Variants in EIF4A3 observed in about 807,000 individuals in gnomAD.
EIF4A3 encodes eukaryotic initiation factor 4A-III.
In EIF4A3, 1 loss-of-function variant was observed where a neutral mutation model predicts 55.6. That is an observed-to-expected ratio of 0.02 (90% CI 0.01 to 0.09). EIF4A3 has a LOEUF of 0.09. Among genes scored for constraint, EIF4A3 ranks in the 10% least tolerant of loss-of-function variants. The pLI is 1.00. For synonymous variants in EIF4A3, 194 were observed against 196.3 expected (o/e 0.99, Z 0.10); for missense variants, 221 against 540.7 (o/e 0.41, Z 5.86).
Position 80,137,259 on chromosome 17 carries a change from C to T in EIF4A3, c.983+127G>A, listed in dbSNP as rs371525009. ...GGAAGGTTTTCTGCTCACCCAGGGC[C>T]TCAGCTTTCAGAGCAGAAGCTTGGC... On this transcript the variant is annotated intron_variant, in intron 9 of 11. Transcript: ENST00000649764. 2.7e-4 allele frequency: 204 copies of T among 763,564 alleles called. 2 individuals carry two copies. The Middle Eastern group carries it at 3.6e-3, about 13-fold the overall frequency. The allele number at this position is 763,564 out of a possible 1,614,324, so 47.3% of individuals were successfully genotyped here.
chr17:80,142,058 C>T (rs1313965546), intron 2 of EIF4A3, among the ~76,000 whole-genome samples: 3 of 152,172 alleles, frequency 2.0e-5, no homozygotes, highest in Non-Finnish European at 4.4e-5. Flanking sequence ...ATGGCTTCTG[C>T]ACGGGGGCAA....
At chr17:80,139,340 C>T (rs974507686) in intron 6 of EIF4A3, 178 bp from the exon 7 acceptor site, 34 of 783,914 alleles carry the variant, frequency 4.3e-5, no homozygotes, top group Middle Eastern at 3.8e-4. Context: ...CCCTACTCCC[C>T]GCCCACCGGA....
intron 4 of EIF4A3, among the ~76,000 whole-genome samples, chr17:80,141,045 C>T (rs780488759): frequency 1.3e-4 from 20 of 152,116 alleles, no homozygotes; most frequent in Non-Finnish European, 2.4e-4. Flanking sequence ...GATCCACCCA[C>T]CTCGACCTAA....
rs1402617536 is a variant in EIF4A3, at chr17:80,141,339, A to G, written c.352T>C (p.Leu118=). 6 of 1,613,640 alleles carry G rather than the reference A, an allele frequency of 3.7e-6. No individual in the cohort carries two copies. In the African/African-American group the frequency reaches 4.0e-5, roughly 11 times the overall value. Residue 118 remains leucine, a synonymous_variant, in exon 4 of 12, where the codon TTG becomes CTG. Coordinates refer to ENST00000649764, the MANE Select transcript of EIF4A3 (RefSeq NM_014740.4). ...CTCACCTTCTGGATCTGCACAGCCA[A>G]CTCTCTTGTGGGAGCCAAGATCAAA... ...QALILAPTRE[L]AVQIQKGLLA...
chr17:80,144,261 A>C lies in EIF4A3; in HGVS notation c.170-17T>G, dbSNP rs777139503. ...TTTCAAAACCTGCAAATAAAAACAA[A>C]AAATTAGCCCTCACCACAATGACAG... On this transcript the variant is annotated splice_polypyrimidine_tract_variant and intron_variant, in intron 1 of 11. Coordinates refer to ENST00000649764, the MANE Select transcript of EIF4A3 (RefSeq NM_014740.4). The C allele has an allele frequency of 1.9e-6, 3 of 1,613,240 alleles. No homozygotes were observed. Among genetic ancestry groups the C allele is most frequent in the African/African-American group, 2.7e-5 (2 of 74,858 alleles).
intron 9 of EIF4A3, 31 bp downstream of exon 9, chr17:80,137,355 G>C (rs761763098): frequency 1.9e-6 from 3 of 1,597,316 alleles, no homozygotes; most frequent in South Asian, 1.1e-5. Context: ...AGCAAACCCT[G>C]ACCTGCAGAG....
rs1252780757 is a variant in EIF4A3 at position 80,136,581 on chromosome 17, CTT to C, written c.984-248_984-247del. The C allele has an allele frequency of 4.6e-5, 24 of 527,066 alleles. No individual in the cohort carries two copies. The Admixed American group carries it at 8.6e-4, about 19-fold the overall frequency. 32.6% of individuals were successfully genotyped at this position (527,066 alleles called of 1,614,324 possible). A position where few individuals can be genotyped will look rare whatever the true frequency, so the allele number is the denominator to read the frequency against. On this transcript the variant is annotated intron_variant, in intron 9 of 11. Transcript: ENST00000649764. The stretch of plus-strand genomic sequence containing the variant: ...TCCATCAGATTAAAAAAATAGACAT[CTT>C]TTACTAGACTATCTTTAACTTGTTT...
At chr17:80,137,691 C>A in intron 8 of EIF4A3, 190 bp from the exon 9 acceptor site, 1 of 556,472 alleles carries the variant, frequency 1.8e-6, no homozygotes, top group South Asian at 2.2e-5. Flanking sequence ...CTCACAAAAC[C>A]CTCTTACTTC....
intron 4 of EIF4A3, 45 bp from the exon 5 acceptor site, chr17:80,140,185 A>T (rs756284148): frequency 6.8e-7 from 1 of 1,467,586 alleles, no homozygotes; most frequent in Non-Finnish European, 9.1e-7. Context: ...AGAGAGAAAC[A>T]TCCACGTTTT....
Position 80,144,235 on chromosome 17 carries a change from T to C in EIF4A3, c.179A>G (p.Lys60Arg). The change falls in exon 2 of 12, where the codon AAA (lysine) becomes AGA (arginine). Residue 60 changes from lysine to arginine, a missense_variant. This residue lies in a region of EIF4A3 where 85 missense variants were observed against 205.8 expected (regional missense o/e 0.41). Transcript: ENST00000649764. Reference protein sequence around the residue: ...LRGIYAYGFEKPSAIQQRAIK... With the variant: ...LRGIYAYGFERPSAIQQRAIK... ...TGCTCGTTGCTGGATTGCTGATGGT[T>C]TTTCAAAACCTGCAAATAAAAACAA... is the stretch of plus-strand genomic sequence containing the variant. 6.2e-7 allele frequency: 1 copy of C among 1,613,888 alleles called. No homozygotes were observed. The highest frequency in any genetic ancestry group is 8.5e-7 in the Non-Finnish European group (1 of 1,179,978).
intron 2 of EIF4A3, among the ~76,000 whole-genome samples, chr17:80,143,235 G>A (rs972964606): frequency 1.3e-5 from 2 of 151,940 alleles, no homozygotes; most frequent in South Asian, 2.1e-4. Context: ...GTGACCACCC[G>A]CCCCTTGGAG....
intron 11 of EIF4A3, 99 bp from the exon 12 acceptor site, chr17:80,135,605 C>CA: frequency 2.7e-6 from 3 of 1,118,596 alleles, no homozygotes; most frequent in Admixed American, 2.3e-5. Flanking sequence ...CTTCTCAAAA[C>CA]AAAAAACAGG....
chr17:80,141,182 T>A (rs2039615388), intron 4 of EIF4A3, 137 bp downstream of exon 4: 3 of 860,370 alleles, frequency 3.5e-6, no homozygotes, highest in Non-Finnish European at 5.3e-6. Flanking sequence ...TAATGATTAA[T>A]GGCAAAATGT....
Position 80,141,788 on chromosome 17 carries a change from A to C in EIF4A3, c.303T>G (p.Asp101Glu). ...TFSISVLQCLDIQVRETQALI... is the reference protein window; with the variant it reads ...TFSISVLQCLEIQVRETQALI... ...TTTAAGAATGGCAAATTACCTGAAT[A>C]TCCAAACACTGGAGGACTGAGATAC... The change falls in exon 3 of 12, where the codon GAT (aspartate) becomes GAG (glutamate). Residue 101 changes from aspartate to glutamate, a missense_variant. Asp to Glu is a conservative substitution (Grantham distance 45). This residue lies in a region of EIF4A3 where 85 missense variants were observed against 205.8 expected (regional missense o/e 0.41). Transcript: ENST00000649764. The C allele has an allele frequency of 6.2e-7, 1 of 1,613,654 alleles. No homozygotes were observed. The highest frequency in any genetic ancestry group is 8.5e-7 in the Non-Finnish European group (1 of 1,179,610).
At chr17:80,142,927 T>G (rs996784262) in intron 2 of EIF4A3, among the ~76,000 whole-genome samples, 2 of 152,138 alleles carry the variant, frequency 1.3e-5, no homozygotes, top group African/African-American at 4.8e-5. Context: ...TAGTCCCAGC[T>G]ACTTGGGAGG....
intron 1 of EIF4A3, among the ~76,000 whole-genome samples, 167 bp downstream of exon 1, chr17:80,146,626 G>T (rs2039665490): frequency 6.6e-6 from 1 of 152,206 alleles, no homozygotes; most frequent in African/African-American, 2.4e-5. Context: ...GCGTGAGGGC[G>T]AGGACGGGGG....
intron 8 of EIF4A3, 72 bp from the exon 9 acceptor site, chr17:80,137,573 C>A: frequency 5.1e-6 from 6 of 1,183,828 alleles, no homozygotes; most frequent in South Asian, 1.4e-5. Flanking sequence ...GGGACTTTAC[C>A]GCATCATTTG....
In EIF4A3 at chr17:80,138,532, AAT is replaced by A. The variant is rs555439563; in HGVS notation, c.729-254_729-253del. On this transcript the variant is annotated intron_variant, in intron 7 of 11. Transcript: ENST00000649764. ...ATTCTAAACGAAACACTGATAAATA[AAT>A]AGTCACCTAATTTTTAAATTTAGAA... 24 of 423,162 alleles carry A rather than the reference AAT, an allele frequency of 5.7e-5. No individual in the cohort carries two copies. In the South Asian group the frequency reaches 7.2e-4, roughly 13 times the overall value. 26.2% of individuals were successfully genotyped at this position (423,162 alleles called of 1,614,324 possible).
intron 6 of EIF4A3, 161 bp downstream of exon 6, chr17:80,139,509 G>T: frequency 1.4e-6 from 1 of 689,944 alleles, no homozygotes. Flanking sequence ...TAAAATCAAG[G>T]TAGGAATTTT....
Sources: gnomAD v4.1 joint callset for allele counts (sites outside exome capture counted in the v4.1 genomes callset) on GRCh38, gnomAD v4.1.1 for gene constraint, gnomAD v4.1.1 regional missense constraint, MANE v1.5 for transcripts, NCBI Gene and HGNC (gene_info 2026-07-23, HGNC 2026-07-21) for gene names.